The following LRRC37A2 variants were observed in gnomAD, a reference collection of about 807,000 sequenced individuals.
LRRC37A2 encodes leucine rich repeat containing 37 member A2, also known as leucine-rich repeat-containing protein 37A2.
In LRRC37A2, 9 loss-of-function variants were observed where a neutral mutation model predicts 68.8. That is an observed-to-expected ratio of 0.13 (90% CI 0.08 to 0.23). The LOEUF is 0.23. Among genes scored for constraint, LRRC37A2 ranks in the 10% least tolerant of loss-of-function variants. The probability of loss-of-function intolerance (pLI) is 1.00; values close to 1 mark genes in which losing one functional copy is unlikely to be tolerated. For missense variants in LRRC37A2, 168 were observed against 950.4 expected (o/e 0.18, Z 10.82); for synonymous variants, 63 against 367.6 (o/e 0.17, Z 9.48).
chr17:46,751,387 A>T, the LRRC37A2 span: 1 of 724,038 alleles, frequency 1.4e-6, no homozygotes, highest in Non-Finnish European at 2.4e-6. Context: ...AGAGAATTCT[A>T]TCAACTTGAA....
chr17:46,935,040 C>T, the LRRC37A2 span: 2 of 1,612,872 alleles, frequency 1.2e-6, no homozygotes, highest in South Asian at 1.1e-5. Context: ...ACTCTGACAC[C>T]ACCATACCAA....
chr17:46,985,192 C>A, the LRRC37A2 span, among the ~76,000 whole-genome samples: 1 of 152,202 alleles, frequency 6.6e-6, no homozygotes, highest in African/African-American at 2.4e-5. Context: ...TCGAGGTTGG[C>A]CCCTGCTCAG....
the LRRC37A2 span, among the ~76,000 whole-genome samples, chr17:46,721,235 C>T: frequency 6.6e-6 from 1 of 152,216 alleles, no homozygotes; most frequent in South Asian, 2.1e-4. Flanking sequence ...CCTTTGCATG[C>T]AAGAGAGGTT....
At chr17:46,980,836 A>T in the LRRC37A2 span, among the ~76,000 whole-genome samples, 3 of 151,944 alleles carry the variant, frequency 2.0e-5, no homozygotes, top group African/African-American at 4.8e-5. Flanking sequence ...CCGTCTCAAA[A>T]AAAATAAAAT....
chr17:46,993,016 A>T, the LRRC37A2 span, among the ~76,000 whole-genome samples: 1 of 74,594 alleles, frequency 1.3e-5, no homozygotes, highest in African/African-American at 4.5e-5. Context: ...ATGTATGAAA[A>T]TATATGCCCA....
the LRRC37A2 span, among the ~76,000 whole-genome samples, chr17:46,693,420 G>A: frequency 6.6e-6 from 1 of 151,912 alleles, no homozygotes. Context: ...GGGTCAGTGA[G>A]GGCCAGGGAG....
chr17:46,758,928 G>A, the LRRC37A2 span, among the ~76,000 whole-genome samples: 10 of 152,170 alleles, frequency 6.6e-5, no homozygotes, highest in Admixed American at 4.6e-4. Flanking sequence ...GGGGGCAGCC[G>A]GGCGCAGTAG....
At chr17:46,863,860 A>C in the LRRC37A2 span, among the ~76,000 whole-genome samples, 3 of 152,136 alleles carry the variant, frequency 2.0e-5, no homozygotes, top group Non-Finnish European at 2.9e-5. Flanking sequence ...AACTACATCC[A>C]TCCCAGGGGG....
chr17:46,978,577 G>C, the LRRC37A2 span: 2 of 1,508,974 alleles, frequency 1.3e-6, no homozygotes, highest in Non-Finnish European at 1.8e-6. Flanking sequence ...CGCAGAGAGC[G>C]GGGCGAGGGT....
chr17:46,931,616 A>G, the LRRC37A2 span: 1 of 289,812 alleles, frequency 3.5e-6, no homozygotes. Flanking sequence ...CTAATGTTTG[A>G]TACTCCAGCA....
the LRRC37A2 span, chr17:46,955,531 CAAAT>C: frequency 3.3e-5 from 5 of 152,126 alleles, no homozygotes; most frequent in Non-Finnish European, 7.4e-5. Flanking sequence ...CAACAAGAGT[CAAAT>C]AAAGACTTGA....
the LRRC37A2 span, among the ~76,000 whole-genome samples, chr17:46,859,371 TG>T: frequency 6.6e-6 from 1 of 152,238 alleles, no homozygotes; most frequent in African/African-American, 2.4e-5. Context: ...TGCATATGAA[TG>T]TCCACGTGTT....
the LRRC37A2 span, among the ~76,000 whole-genome samples, chr17:46,926,596 G>T: frequency 2.0e-5 from 3 of 152,202 alleles, no homozygotes; most frequent in Admixed American, 6.5e-5. Context: ...AGTCATGCTT[G>T]TGTATCACCT....
At chr17:46,997,531 A>C in the LRRC37A2 span, among the ~76,000 whole-genome samples, 1 of 152,240 alleles carries the variant, frequency 6.6e-6, no homozygotes, top group Non-Finnish European at 1.5e-5. Flanking sequence ...TCAAAATCTT[A>C]ATCTGATCAG....
the LRRC37A2 span, among the ~76,000 whole-genome samples, chr17:46,575,171 G>T: frequency 9.0e-6 from 1 of 110,836 alleles, no homozygotes; most frequent in Non-Finnish European, 2.1e-5. Flanking sequence ...CAGTAGTAAT[G>T]TTCACATGCC....
At chr17:46,903,420 G>C in the LRRC37A2 span, among the ~76,000 whole-genome samples, 1 of 152,120 alleles carries the variant, frequency 6.6e-6, no homozygotes, top group Non-Finnish European at 1.5e-5. Context: ...GGGTCAAGCA[G>C]AAAAACAGAA....
chr17:46,865,245 A>G, the LRRC37A2 span, among the ~76,000 whole-genome samples: 2 of 152,216 alleles, frequency 1.3e-5, no homozygotes, highest in Non-Finnish European at 2.9e-5. Context: ...GATGCAAAGC[A>G]TGCTTGCTGT....
At chr17:47,034,600 A>G in the LRRC37A2 span, among the ~76,000 whole-genome samples, 5 of 152,062 alleles carry the variant, frequency 3.3e-5, no homozygotes, top group South Asian at 2.1e-4. Context: ...TTAGAAAAAA[A>G]TAGAAACAGG....
At chr17:46,857,765 G>A in the LRRC37A2 span, among the ~76,000 whole-genome samples, 27 of 152,240 alleles carry the variant, frequency 1.8e-4, 1 homozygote, top group South Asian at 4.8e-3. Context: ...GGCTATTTTC[G>A]TAAGTATGTA....
Sources: gnomAD v4.1 joint callset for allele counts (sites outside exome capture counted in the v4.1 genomes callset) on GRCh38, gnomAD v4.1.1 for gene constraint, MANE v1.5 for transcripts, NCBI Gene and HGNC (gene_info 2026-07-23, HGNC 2026-07-21) for gene names.